The following PRDM2 variants were observed in gnomAD, a reference collection of about 807,000 sequenced individuals.
PRDM2 encodes the protein PR domain zinc finger protein 2.
PRDM2 carries 30 observed loss-of-function variants against 130.0 expected under a neutral mutation model. The ratio of observed to expected loss-of-function variants is 0.23; its 90% CI spans 0.17 to 0.31. PRDM2 has a LOEUF of 0.31. Among genes scored for constraint, PRDM2 ranks in the 10% least tolerant of loss-of-function variants. The pLI, the probability that PRDM2 is intolerant of heterozygous loss-of-function variation, is 1.00. For synonymous variants in PRDM2, 871 were observed against 782.4 expected (o/e 1.11, Z -1.89); for missense variants, 2,011 against 2,108.4 (o/e 0.95, Z 0.90).
chr1:13,749,515 G>T, intron 6 of PRDM2, 28 bp downstream of exon 6: 3 of 1,286,460 alleles, frequency 2.3e-6, no homozygotes, highest in Non-Finnish European at 3.0e-6. Context: ...CGCCCGCCCG[G>T]CCCCGGCGCC....
rs542962778 is a variant in PRDM2, at chr1:13,804,597, G to T, written c.5037-11830G>T. Among the ~76,000 whole-genome samples the T allele has an allele frequency of 3.0e-4, 45 of 152,264 alleles. 1 individual carries two copies. The highest frequency in any genetic ancestry group is 8.9e-4 in the African/African-American group (37 of 41,540). On this transcript the variant is annotated intron_variant, in intron 8 of 9. Transcript: ENST00000311066. ...CTGCATTACCAACAAGCTCCGGGGG[G>T]GGAAATGATGCCGCTGGTCTGGGGA...
chr1:13,810,763 G>GGATT (rs1645160325), intron 8 of PRDM2, among the ~76,000 whole-genome samples: 1 of 151,904 alleles, frequency 6.6e-6, no homozygotes, highest in Admixed American at 6.6e-5. Flanking sequence ...CAAAGCACTG[G>GGATT]GATTACAGGC....
chr1:13,705,101 C>G (rs1642167836), intron 1 of PRDM2: 1 of 152,252 alleles, frequency 6.6e-6, no homozygotes, highest in African/African-American at 2.4e-5. Flanking sequence ...GGAGCCCTAC[C>G]TCAATGTACA....
At chr1:13,778,330 A>G in intron 7 of PRDM2, 88 bp from the exon 8 acceptor site, 2 of 1,328,244 alleles carry the variant, frequency 1.5e-6, no homozygotes, top group African/African-American at 1.5e-5. Context: ...AGGTGGTAAG[A>G]GAAATAACTT....
chr1:13,786,497 A>G (rs1557658850), intron 8 of PRDM2: 3 of 1,610,378 alleles, frequency 1.9e-6, no homozygotes, highest in Non-Finnish European at 2.5e-6. Context: ...ATTTATCTTC[A>G]GTTTTCTTAT....
Position 13,780,903 on chromosome 1 carries a change from C to A in PRDM2, c.3108C>A (p.Pro1036=). ...TVSPSPSPIP[P]VEPLMSAASP... ...CCCCCTCTCCCTCTCCCATTCCTCC[C>A]GTGGAGCCCCTGATGTCTGCCGCCT... Residue 1036 remains proline (P), a synonymous_variant, in exon 8 of 10, where the codon CCC becomes CCA. Coordinates refer to ENST00000311066, the MANE Select transcript of PRDM2 (RefSeq NM_001393986.1). 2 of 1,613,354 alleles carry A rather than the reference C, an allele frequency of 1.2e-6. No homozygotes were observed. Among genetic ancestry groups the A allele is most frequent in the South Asian group, 2.2e-5 (2 of 91,040 alleles).
At chr1:13,761,026 T>C (rs1644085491) in intron 6 of PRDM2, among the ~76,000 whole-genome samples, 1 of 152,278 alleles carries the variant, frequency 6.6e-6, no homozygotes, top group South Asian at 2.1e-4. Flanking sequence ...TAAGGAATTC[T>C]TCATGTGCAA....
Position 13,823,272 on chromosome 1 carries a change from C to T in PRDM2, c.*137C>T, listed in dbSNP as rs76249840. The T allele has an allele frequency of 5.4e-3, 7,867 of 1,446,104 alleles. 201 individuals carry two copies. In the East Asian group the frequency reaches 0.065, roughly 12 times the overall value. The allele number at this position is 1,446,104 out of a possible 1,614,324, so 89.6% of individuals were successfully genotyped here. A position where few individuals can be genotyped will look rare whatever the true frequency, so the allele number is the denominator to read the frequency against. On this transcript the variant is annotated 3_prime_UTR_variant, in exon 10 of 10. Coordinates refer to ENST00000311066, the MANE Select transcript of PRDM2 (RefSeq NM_001393986.1). ...GCGAGAGAAAGGGAGTGCATGTGCG[C>T]GCGTGCATGTGTGCGTGCGTGTGTG...
At chr1:13,701,076 C>T (rs1642060260) in intron 1 of PRDM2, among the ~76,000 whole-genome samples, 1 of 152,200 alleles carries the variant, frequency 6.6e-6, no homozygotes, top group Non-Finnish European at 1.5e-5. Context: ...TTGTGTCGGG[C>T]TGTGAGCTGC....
At chr1:13,739,897 C>T (rs138109182) in intron 4 of PRDM2, among the ~76,000 whole-genome samples, 225 of 151,982 alleles carry the variant, frequency 1.5e-3, no homozygotes, top group African/African-American at 5.0e-3. Context: ...TTTTGTGTGC[C>T]CATTTAAAAG....
intron 2 of PRDM2, among the ~76,000 whole-genome samples, chr1:13,726,174 G>T (rs1557602020): frequency 1.3e-5 from 2 of 152,230 alleles, no homozygotes; most frequent in East Asian, 1.9e-4. Flanking sequence ...CGCTCCATCT[G>T]TGTTAGTTGT....
At chr1:13,714,338 CTTTT>C (rs550641481) in intron 1 of PRDM2, among the ~76,000 whole-genome samples, 3 of 138,176 alleles carry the variant, frequency 2.2e-5, no homozygotes, top group Non-Finnish European at 4.7e-5. Flanking sequence ...AATTCTCTGG[CTTTT>C]TTTTTTTTTT....
rs771557231 is a variant in PRDM2 at position 13,782,218 on chromosome 1, G to A, written c.4423G>A (p.Ala1475Thr). 1.3e-5 allele frequency: 21 copies of A among 1,613,222 alleles called. No homozygotes were observed. In the East Asian group the frequency reaches 1.8e-4, roughly 14 times the overall value. ...TYIGSLNKHA[A>T]FSCPKKPLSP... ...CATTGGAAGCCTGAATAAACACGCC[G>A]CCTTCAGCTGTCCCAAAAAACCCCT... is the stretch of plus-strand genomic sequence containing the variant. Residue 1475 changes from alanine to threonine, a missense_variant, in exon 8 of 10, where the codon GCC becomes ACC. Physicochemically the swap from Ala to Thr is moderately conservative, Grantham distance 58 (BLOSUM62 0). Coordinates refer to ENST00000311066, the MANE Select transcript of PRDM2 (RefSeq NM_001393986.1).
At chr1:13,755,740 C>T (rs182420810) in intron 6 of PRDM2, among the ~76,000 whole-genome samples, 6 of 151,170 alleles carry the variant, frequency 4.0e-5, no homozygotes, top group African/African-American at 7.3e-5. Context: ...ACCTAATGTT[C>T]GTGGGAGCAT....
chr1:13,782,312 A>T lies in PRDM2; in HGVS notation c.4517A>T (p.Asp1506Val). Residue 1506 changes from aspartate to valine, a missense_variant, in exon 8 of 10, where the codon GAC (aspartate) becomes GTC (valine). Around this residue, in one of 5 missense-constraint regions of PRDM2, gnomAD observed 410 missense variants for 395.9 expected, o/e 1.04. Transcript: ENST00000311066. ...KGGHSSPASS[D>V]KNSNSNHRRR... ...GGACACTCATCACCTGCAAGTAGTGACAAAAACAGTAACAGCAACCACCGC... is the reference window on the plus strand; with the variant it reads ...GGACACTCATCACCTGCAAGTAGTGTCAAAAACAGTAACAGCAACCACCGC... 1 of 1,614,010 alleles carries T rather than the reference A, an allele frequency of 6.2e-7. No individual in the cohort carries two copies. Among genetic ancestry groups the T allele is most frequent in the Non-Finnish European group, 8.5e-7 (1 of 1,180,006 alleles).
At chr1:13,778,343 A>G in intron 7 of PRDM2, 75 bp from the exon 8 acceptor site, 1 of 1,408,132 alleles carries the variant, frequency 7.1e-7, no homozygotes, top group Non-Finnish European at 9.7e-7. Context: ...AATAACTTGA[A>G]TCATTCAGAT....
intron 6 of PRDM2, among the ~76,000 whole-genome samples, chr1:13,754,868 C>G (rs1643912191): frequency 6.6e-6 from 1 of 152,168 alleles, no homozygotes; most frequent in Admixed American, 6.5e-5. Flanking sequence ...ATTCCTGTGT[C>G]TGGCTTTTTG....
chr1:13,796,920 T>C (rs1471401802), intron 8 of PRDM2, among the ~76,000 whole-genome samples: 1 of 152,192 alleles, frequency 6.6e-6, no homozygotes, highest in Non-Finnish European at 1.5e-5. Flanking sequence ...AAGAAATGAT[T>C]TGTGGAGGGA....
intron 1 of PRDM2, among the ~76,000 whole-genome samples, chr1:13,700,917 T>A (rs965561386): frequency 1.3e-5 from 2 of 152,210 alleles, no homozygotes; most frequent in African/African-American, 4.8e-5. Context: ...GCAACTCTGT[T>A]ACTAATTTTG....
Sources: gnomAD v4.1 joint callset for allele counts (sites outside exome capture counted in the v4.1 genomes callset) on GRCh38, gnomAD v4.1.1 for gene constraint, gnomAD v4.1.1 regional missense constraint, MANE v1.5 for transcripts, NCBI Gene and HGNC (gene_info 2026-07-23, HGNC 2026-07-21) for gene names.